The following ST6GALNAC3 variants were observed in gnomAD, a reference collection of about 807,000 sequenced individuals.
ST6GALNAC3 encodes ST6 N-acetylgalactosaminide alpha-2,6-sialyltransferase 3, also known as alpha-N-acetylgalactosaminide alpha-2,6-sialyltransferase 3.
Under a neutral mutation model 32.7 loss-of-function variants are expected in ST6GALNAC3, and 25 were observed. That is an observed-to-expected ratio of 0.76 (90% CI 0.56 to 1.07). The LOEUF is 1.07. ST6GALNAC3 is among the 50% of genes least tolerant of loss of function. The probability of loss-of-function intolerance (pLI) is 0.00; values close to 1 mark genes in which losing one functional copy is unlikely to be tolerated. For synonymous variants in ST6GALNAC3, 129 were observed against 133.1 expected (o/e 0.97, Z 0.21); for missense variants, 355 against 382.4 (o/e 0.93, Z 0.60).
At chr1:76,544,549 G>A (rs1050166266) in intron 3 of ST6GALNAC3, among the ~76,000 whole-genome samples, 10 of 152,280 alleles carry the variant, frequency 6.6e-5, no homozygotes, top group African/African-American at 2.4e-4. Flanking sequence ...TATCAAGGAT[G>A]ATTCTCATAT....
At chr1:76,430,132 A>C (rs1655654734) in intron 3 of ST6GALNAC3, among the ~76,000 whole-genome samples, 1 of 152,126 alleles carries the variant, frequency 6.6e-6, no homozygotes, top group African/African-American at 2.4e-5. Context: ...TTACTTCAAA[A>C]TATTCTTTGA....
At chr1:76,519,597 G>A (rs1263626477) in intron 3 of ST6GALNAC3, among the ~76,000 whole-genome samples, 3 of 152,206 alleles carry the variant, frequency 2.0e-5, no homozygotes, top group Non-Finnish European at 2.9e-5. Flanking sequence ...TCTACATCAC[G>A]AAGATACGTA....
rs142290187 is a variant in ST6GALNAC3, at chr1:76,546,817, C to T, written c.624-80635C>T. On this transcript the variant is annotated intron_variant, in intron 3 of 4. Transcript: ENST00000328299. Reference sequence around the variant, plus strand: ...CACGGAATAACAGTTCCTCTGTGGACAGTTGTAGCTGAGCAGCACCTGGCA... The same window carrying T: ...CACGGAATAACAGTTCCTCTGTGGATAGTTGTAGCTGAGCAGCACCTGGCA... Among the ~76,000 whole-genome samples the T allele has an allele frequency of 3.8e-3, 574 of 152,294 alleles. 3 individuals carry two copies. Among genetic ancestry groups the T allele is most frequent in the African/African-American group, 0.013 (557 of 41,568 alleles).
At chr1:76,411,921 CA>C in intron 2 of ST6GALNAC3, 86 bp from the exon 3 acceptor site, 3 of 1,391,262 alleles carry the variant, frequency 2.2e-6, no homozygotes, top group Non-Finnish European at 2.9e-6. Context: ...GGTAATTATA[CA>C]ATATATGAAC....
chr1:76,298,116 T>G (rs1318104832), intron 1 of ST6GALNAC3, among the ~76,000 whole-genome samples: 1 of 151,874 alleles, frequency 6.6e-6, no homozygotes, highest in Admixed American at 6.6e-5. Context: ...GAGGTCAGAT[T>G]ATGAAGGGGC....
At chr1:76,259,624 A>G (rs1382784231) in intron 1 of ST6GALNAC3, among the ~76,000 whole-genome samples, 1 of 152,176 alleles carries the variant, frequency 6.6e-6, no homozygotes, top group Non-Finnish European at 1.5e-5. Context: ...AAAGCAACCA[A>G]CATTCTATAG....
At chr1:76,123,263 CA>C (rs1453009361) in intron 1 of ST6GALNAC3, among the ~76,000 whole-genome samples, 1 of 151,716 alleles carries the variant, frequency 6.6e-6, no homozygotes, top group East Asian at 1.9e-4. Context: ...TCCCATCTAC[CA>C]GCTACTCGGG....
At chr1:76,512,699 A>G (rs1557511111) in intron 3 of ST6GALNAC3, among the ~76,000 whole-genome samples, 1 of 152,120 alleles carries the variant, frequency 6.6e-6, no homozygotes, top group Non-Finnish European at 1.5e-5. Flanking sequence ...GTACCCGTTG[A>G]CCAGCCTCTC....
At chr1:76,622,121 A>G (rs1208461140) in intron 3 of ST6GALNAC3, among the ~76,000 whole-genome samples, 3 of 151,930 alleles carry the variant, frequency 2.0e-5, no homozygotes, top group African/African-American at 4.8e-5. Flanking sequence ...GACTTTCATC[A>G]GTTCAAGAAA....
intron 2 of ST6GALNAC3, among the ~76,000 whole-genome samples, chr1:76,409,577 G>T (rs1654072233): frequency 6.6e-6 from 1 of 152,038 alleles, no homozygotes. Flanking sequence ...CCAGCAGTAG[G>T]CAAATCGGTA....
chr1:76,447,552 A>T (rs1657067207), intron 3 of ST6GALNAC3, among the ~76,000 whole-genome samples: 1 of 152,136 alleles, frequency 6.6e-6, no homozygotes, highest in Non-Finnish European at 1.5e-5. Context: ...AGAGGTCTTC[A>T]CAGCAGCCCC....
intron 2 of ST6GALNAC3, among the ~76,000 whole-genome samples, chr1:76,370,895 A>G (rs187778396): frequency 8.7e-4 from 132 of 152,118 alleles, no homozygotes; most frequent in African/African-American, 3.1e-3. Context: ...CACCCAGTCC[A>G]ATCTATAATT....
chr1:76,087,372 T>A (rs1646978415), intron 1 of ST6GALNAC3, among the ~76,000 whole-genome samples: 1 of 152,238 alleles, frequency 6.6e-6, no homozygotes, highest in Admixed American at 6.5e-5. Context: ...CCCACTTATC[T>A]TCAGCAAATA....
intron 2 of ST6GALNAC3, among the ~76,000 whole-genome samples, chr1:76,382,529 G>C (rs1651791978): frequency 6.6e-6 from 1 of 152,112 alleles, no homozygotes; most frequent in Non-Finnish European, 1.5e-5. Context: ...ACGGATCAAA[G>C]CATCAAGATT....
At chr1:76,298,190 G>T (rs1660518962) in intron 1 of ST6GALNAC3, among the ~76,000 whole-genome samples, 1 of 151,974 alleles carries the variant, frequency 6.6e-6, no homozygotes, top group Non-Finnish European at 1.5e-5. Context: ...TCTCACCTAA[G>T]TAGGAAATGA....
chr1:76,376,076 T>C (rs1651201982), intron 2 of ST6GALNAC3, among the ~76,000 whole-genome samples: 1 of 151,484 alleles, frequency 6.6e-6, no homozygotes, highest in East Asian at 1.9e-4. Context: ...TACTTTTTAG[T>C]GTATATTTCC....
chr1:76,582,330 C>A (rs1233883581), intron 3 of ST6GALNAC3, among the ~76,000 whole-genome samples: 4 of 152,102 alleles, frequency 2.6e-5, no homozygotes, highest in African/African-American at 9.7e-5. Context: ...GGATTTATAA[C>A]AACTTGGTGG....
intron 1 of ST6GALNAC3, among the ~76,000 whole-genome samples, chr1:76,112,942 C>G (rs1331312699): frequency 6.6e-6 from 1 of 151,970 alleles, no homozygotes; most frequent in South Asian, 2.1e-4. Flanking sequence ...GGGTGGCGGC[C>G]GGGCAGAGGC....
At position 76,462,940 on chromosome 1, in the gene ST6GALNAC3, T is replaced by C. The variant is rs1051397987; in HGVS notation, c.623+50523T>C. Among the ~76,000 whole-genome samples, 9 of 152,278 alleles carry C rather than the reference T, an allele frequency of 5.9e-5. No individual in the cohort carries two copies. In the East Asian group the frequency reaches 1.2e-3, roughly 20 times the overall value. On this transcript the variant is annotated intron_variant, in intron 3 of 4. Transcript: ENST00000328299. ...GTACTCTGAAGTATATTCCTTATTG[T>C]TGGAAAAACACTGTCCTAAATGACG...
Sources: gnomAD v4.1 joint callset for allele counts (sites outside exome capture counted in the v4.1 genomes callset) on GRCh38, gnomAD v4.1.1 for gene constraint, MANE v1.5 for transcripts, NCBI Gene and HGNC (gene_info 2026-07-23, HGNC 2026-07-21) for gene names.